Variants in SLC35F3 observed in about 807,000 individuals in gnomAD.
The protein encoded by SLC35F3 is putative thiamine transporter SLC35F3.
SLC35F3 carries 25 observed loss-of-function variants against 49.9 expected under a neutral mutation model. That is an observed-to-expected ratio of 0.50 (90% CI 0.37 to 0.70). SLC35F3 has a LOEUF of 0.70. SLC35F3 is among the 30% of genes least tolerant of loss of function. The probability of loss-of-function intolerance (pLI) is 0.00; values close to 1 mark genes in which losing one functional copy is unlikely to be tolerated. For missense variants in SLC35F3, 525 were observed against 639.8 expected, an observed-to-expected ratio of 0.82 and a Z score of 1.94; for synonymous variants, 275 against 265.4, an observed-to-expected ratio of 1.04 and a Z score of -0.35.
chr1:234,286,415 C>T (rs1026451412), intron 3 of SLC35F3, among the ~76,000 whole-genome samples: 1 of 152,164 alleles, frequency 6.6e-6, no homozygotes, highest in Non-Finnish European at 1.5e-5. Context: ...GCGGGCAGCC[C>T]GAATGCCACA....
At chr1:234,284,450 C>G (rs989889250) in intron 3 of SLC35F3, among the ~76,000 whole-genome samples, 1 of 152,204 alleles carries the variant, frequency 6.6e-6, no homozygotes, top group African/African-American at 2.4e-5. Context: ...CACTCTTCAT[C>G]TCCCTGTGTG....
At chr1:234,291,652 C>G (rs1668509956) in intron 3 of SLC35F3, among the ~76,000 whole-genome samples, 1 of 152,172 alleles carries the variant, frequency 6.6e-6, no homozygotes, top group Admixed American at 6.5e-5. Flanking sequence ...TGGTCTCGAA[C>G]TCCTGGGCTC....
intron 2 of SLC35F3, among the ~76,000 whole-genome samples, chr1:234,203,668 G>A (rs1666931650): frequency 6.6e-6 from 1 of 151,422 alleles, no homozygotes; most frequent in Admixed American, 6.6e-5. Flanking sequence ...CCGAGATCAC[G>A]CCACTGCACT....
At chr1:234,206,141 A>G (rs1338250089) in intron 2 of SLC35F3, among the ~76,000 whole-genome samples, 1 of 152,150 alleles carries the variant, frequency 6.6e-6, no homozygotes. Context: ...GTGACACTCC[A>G]TAAACCCACT....
Position 234,320,237 on chromosome 1 carries a change from C to A in SLC35F3, c.1237+50C>A. On this transcript the variant is annotated intron_variant, in intron 7 of 7. Coordinates refer to ENST00000366618, the MANE Select transcript of SLC35F3 (RefSeq NM_173508.4). The surrounding 1 kb of genome is among the most constrained non-coding windows in gnomAD (Gnocchi z 4.8). ...CTGCACATAAGCACACACACTCAGT[C>A]ACCTACTCACACACACATACACACA... is the stretch of plus-strand genomic sequence containing the variant. 1.6e-6 allele frequency: 2 copies of A among 1,281,704 alleles called. No individual in the cohort carries two copies. Among genetic ancestry groups the A allele is most frequent in the South Asian group, 1.2e-5 (1 of 84,296 alleles). 79.4% of individuals were successfully genotyped at this position (1,281,704 alleles called of 1,614,324 possible). A position where few individuals can be genotyped will look rare whatever the true frequency, so the allele number is the denominator to read the frequency against.
At chr1:233,940,893 C>T (rs1182485314) in intron 2 of SLC35F3, among the ~76,000 whole-genome samples, 1 of 152,168 alleles carries the variant, frequency 6.6e-6, no homozygotes, top group Non-Finnish European at 1.5e-5. Flanking sequence ...GATACTATTA[C>T]TACAAAATGT....
chr1:234,140,649 C>T (rs16842622), intron 2 of SLC35F3, among the ~76,000 whole-genome samples: 13,807 of 151,210 alleles, frequency 0.091, 1,998 homozygotes, highest in African/African-American at 0.31. Flanking sequence ...AGTTCAGAAA[C>T]GGCAGACGAA....
intron 3 of SLC35F3, among the ~76,000 whole-genome samples, chr1:234,282,646 C>T (rs1665558002): frequency 1.3e-5 from 2 of 152,326 alleles, no homozygotes; most frequent in South Asian, 4.1e-4. Context: ...CAAGTGTGAG[C>T]TGCTCTCACC....
In SLC35F3 at chr1:234,322,976, G is replaced by A. The variant is rs749455107; in HGVS notation, c.1238-32G>A. On this transcript the variant is annotated intron_variant, in intron 7 of 7. Transcript: ENST00000366618. The stretch of plus-strand genomic sequence containing the variant: ...CCAGGGACATGCCCCCAACCCTGCA[G>A]CTGAGAAACCTCCATGCTCTGTCTC... The A allele has an allele frequency of 3.8e-6, 6 of 1,598,320 alleles. No homozygotes were observed. The East Asian group carries it at 1.3e-4, about 36-fold the overall frequency.
chr1:233,963,311 CTTTT>C (rs924318197), intron 2 of SLC35F3, among the ~76,000 whole-genome samples: 1 of 124,300 alleles, frequency 8.0e-6, no homozygotes, highest in East Asian at 2.3e-4. Flanking sequence ...TTTTTTTTTT[CTTTT>C]TTTGAGATGG....
intron 2 of SLC35F3, among the ~76,000 whole-genome samples, chr1:234,164,167 CT>C (rs1422423109): frequency 6.6e-6 from 1 of 151,640 alleles, no homozygotes; most frequent in African/African-American, 2.4e-5. Context: ...GCTCTTCCCC[CT>C]ACCCTGCCTC....
intron 3 of SLC35F3, among the ~76,000 whole-genome samples, chr1:234,282,875 C>CA (rs1668351681): frequency 6.6e-6 from 1 of 152,166 alleles, no homozygotes; most frequent in African/African-American, 2.4e-5. Flanking sequence ...ATAGTTGTGA[C>CA]AATGATCCTT....
chr1:233,980,084 G>A (rs966211657), intron 2 of SLC35F3, among the ~76,000 whole-genome samples: 1 of 152,250 alleles, frequency 6.6e-6, no homozygotes, highest in East Asian at 1.9e-4. Flanking sequence ...TTGTGTGCCA[G>A]CTCTGCCTTT....
At chr1:234,264,901 C>T (rs566249998) in intron 3 of SLC35F3, among the ~76,000 whole-genome samples, 1 of 152,300 alleles carries the variant, frequency 6.6e-6, no homozygotes, top group South Asian at 2.1e-4. Context: ...TATTGTTTAC[C>T]TGGGACACTG....
At chr1:234,003,489 C>T (rs1663583392) in intron 2 of SLC35F3, among the ~76,000 whole-genome samples, 1 of 152,098 alleles carries the variant, frequency 6.6e-6, no homozygotes, top group Non-Finnish European at 1.5e-5. Flanking sequence ...TAGGCTTCTA[C>T]AACCAGCCAA....
intron 2 of SLC35F3, among the ~76,000 whole-genome samples, chr1:234,039,682 C>A (rs983079413): frequency 6.6e-6 from 1 of 152,174 alleles, no homozygotes; most frequent in African/African-American, 2.4e-5. Context: ...TTCATGGAAC[C>A]CATGACAGGG....
At chr1:234,211,035 G>A (rs1667039248) in intron 2 of SLC35F3, among the ~76,000 whole-genome samples, 1 of 152,264 alleles carries the variant, frequency 6.6e-6, no homozygotes, top group Non-Finnish European at 1.5e-5. Flanking sequence ...AGCTGCTCCA[G>A]CAGTAGCTGA....
chr1:234,184,329 G>T (rs569621961), intron 2 of SLC35F3, among the ~76,000 whole-genome samples: 92 of 152,196 alleles, frequency 6.0e-4, no homozygotes, highest in Admixed American at 9.8e-4. Context: ...CTCTGTGTAA[G>T]CTTGATGTTT....
At chr1:233,922,538 T>C (rs1662082174) in intron 2 of SLC35F3, among the ~76,000 whole-genome samples, 1 of 150,334 alleles carries the variant, frequency 6.7e-6, no homozygotes, top group Non-Finnish European at 1.5e-5. Context: ...TTGTAGATTC[T>C]GGATATTAGC....
Sources: allele counts gnomAD v4.1 joint callset (sites outside exome capture counted in the v4.1 genomes callset), GRCh38; gene constraint gnomAD v4.1.1; non-coding constraint Gnocchi (gnomAD v3.1); transcripts MANE v1.5; gene names NCBI Gene and HGNC (gene_info 2026-07-23, HGNC 2026-07-21).